Variants in SC5D observed in about 807,000 individuals in gnomAD.
SC5D encodes the protein sterol-C5-desaturase, also known as lathosterol oxidase.
SC5D carries 21 observed loss-of-function variants against 23.9 expected under a neutral mutation model. The observed-to-expected ratio is 0.88, with a 90% CI of 0.62 to 1.26. The LOEUF (loss-of-function observed/expected upper bound fraction) is 1.26. SC5D is among the 50% of genes most tolerant of loss of function. The pLI is 0.00. For missense variants in SC5D, 309 were observed against 364.8 expected (o/e 0.85, Z 1.25); for synonymous variants, 113 against 125.9 (o/e 0.90, Z 0.68).
chr11:121,303,296 GT>G, intron 1 of SC5D, 69 bp from the exon 2 acceptor site: 1 of 1,257,558 alleles, frequency 8.0e-7, no homozygotes, highest in Admixed American at 1.7e-5. Flanking sequence ...GAGATATAGT[GT>G]TTCTGAAAAA....
chr11:121,296,151 T>A (rs774730034), intron 1 of SC5D, among the ~76,000 whole-genome samples: 1 of 152,142 alleles, frequency 6.6e-6, no homozygotes, highest in Non-Finnish European at 1.5e-5. Context: ...GAATAAGCAT[T>A]AGCCACTTCA....
rs1305484652 is a variant in SC5D at position 121,307,664 on chromosome 11, A to T, written c.*152A>T. Reference sequence around the variant, plus strand: ...GCATCGTGGGCACTGCTGAGGAATGATCCTAGTGGTAGGTCAGAAGAAGAT... The same window carrying T: ...GCATCGTGGGCACTGCTGAGGAATGTTCCTAGTGGTAGGTCAGAAGAAGAT... On this transcript the variant is annotated 3_prime_UTR_variant, in exon 5 of 5. Coordinates refer to ENST00000264027, the MANE Select transcript of SC5D (RefSeq NM_006918.5). The T allele has an allele frequency of 1.7e-6, 1 of 605,324 alleles. No individual in the cohort carries two copies. Among genetic ancestry groups the T allele is most frequent in the African/African-American group, 1.9e-5 (1 of 53,924 alleles). The allele number at this position is 605,324 out of a possible 1,614,324, so 37.5% of individuals were successfully genotyped here.
rs763467045 is a variant in SC5D, at chr11:121,293,615, T to TA, written c.-11+800dup. 5.9e-5 allele frequency among the ~76,000 whole-genome samples: 9 copies of TA among 152,342 alleles called. No homozygotes were observed. The South Asian group carries it at 1.5e-3, about 25-fold the overall frequency. On this transcript the variant is annotated intron_variant, in intron 1 of 4. Transcript: ENST00000264027. ...GTGAAGAAAACAAGACCTCAGTACA[T>TA]AGAGTTTCCAAACTGGAAAGTTTGT...
At position 121,304,358 on chromosome 11, in the gene SC5D, C is replaced by T. The variant is rs764348948; in HGVS notation, c.211-3C>T. 6.2e-7 allele frequency: 1 copy of T among 1,613,224 alleles called. No individual in the cohort carries two copies. Among genetic ancestry groups the T allele is most frequent in the South Asian group, 1.1e-5 (1 of 91,058 alleles). On this transcript the variant is annotated splice_polypyrimidine_tract_variant and splice_region_variant and intron_variant, in intron 2 of 4. Coordinates refer to ENST00000264027, the MANE Select transcript of SC5D (RefSeq NM_006918.5). ...TTTTAAGTATTGGAAATTTCACTTT[C>T]AGAATCAAGTCCGTCGAGAGATTAA...
rs578027123 is a variant in SC5D, at chr11:121,304,715, C to T, written c.343+222C>T. On this transcript the variant is annotated intron_variant, in intron 3 of 4. Coordinates refer to ENST00000264027, the MANE Select transcript of SC5D (RefSeq NM_006918.5). ...CTGCTGTAGATGAGATTGTGTCTGG[C>T]GGAAGATTGGAGTGATCAGAGATGG... The T allele has an allele frequency of 6.3e-5, 31 of 493,584 alleles. No homozygotes were observed. The South Asian group carries it at 6.5e-4, about 10-fold the overall frequency. The allele number at this position is 493,584 out of a possible 1,614,324, so 30.6% of individuals were successfully genotyped here. A position where few individuals can be genotyped will look rare whatever the true frequency, so the allele number is the denominator to read the frequency against.
At chr11:121,306,910 G>T in intron 4 of SC5D, 147 bp from the exon 5 acceptor site, 1 of 761,040 alleles carries the variant, frequency 1.3e-6, no homozygotes, top group Admixed American at 1.9e-5. Flanking sequence ...TACTGTTTTA[G>T]GGCGAAGAAG....
Position 121,307,398 on chromosome 11 carries a change from G to A in SC5D, c.786G>A (p.Gly262=), listed in dbSNP as rs750799609. 12 of 1,613,562 alleles carry A rather than the reference G, an allele frequency of 7.4e-6. No individual in the cohort carries two copies. In the South Asian group the frequency reaches 1.2e-4, roughly 16 times the overall value. ...GSFKNPSSFE[G]KGPLSYVKEM... Reference sequence around the variant, plus strand: ...TCAAAAATCCTTCATCCTTTGAGGGGAAGGGACCGCTCAGTTATGTGAAGG... The same window carrying A: ...TCAAAAATCCTTCATCCTTTGAGGGAAAGGGACCGCTCAGTTATGTGAAGG... Residue 262 remains glycine, a synonymous_variant, in exon 5 of 5, where the codon GGG becomes GGA. Transcript: ENST00000264027.
chr11:121,302,667 T>G (rs1455534579), intron 1 of SC5D, among the ~76,000 whole-genome samples: 1 of 152,172 alleles, frequency 6.6e-6, no homozygotes, highest in Non-Finnish European at 1.5e-5. Context: ...AACATCTGGG[T>G]GTCGCTGTGT....
intron 2 of SC5D, 123 bp from the exon 3 acceptor site, chr11:121,304,238 A>C: frequency 1.3e-6 from 1 of 788,706 alleles, no homozygotes; most frequent in Admixed American, 2.3e-5. Flanking sequence ...TTTAATAGAA[A>C]CAGTTTGGAG....
chr11:121,313,055 A>G lies in SC5D; in HGVS notation c.*5543A>G, dbSNP rs1002503017. Among the ~76,000 whole-genome samples, 4 of 152,138 alleles carry G rather than the reference A, an allele frequency of 2.6e-5. No individual in the cohort carries two copies. Among genetic ancestry groups the G allele is most frequent in the Non-Finnish European group, 5.9e-5 (4 of 68,004 alleles). ...TACACCCATGTAACCACCACCCCCA[A>G]TCAAAGTAAAGAACATTTTCTTACC... On this transcript the variant is annotated 3_prime_UTR_variant, in exon 5 of 5. Transcript: ENST00000264027.
rs5795265 is a variant in SC5D, at chr11:121,310,455, C to CTT, written c.*2961_*2962dup. ...TGTTCAGCCCTTCTGTCTCCTGTCC[C>CTT]TTTTTTTTTTTTTTTTTTTGAGATG... On this transcript the variant is annotated 3_prime_UTR_variant, in exon 5 of 5. Coordinates refer to ENST00000264027, the MANE Select transcript of SC5D (RefSeq NM_006918.5). Among the ~76,000 whole-genome samples, 2,442 of 111,170 alleles carry CTT rather than the reference C, an allele frequency of 0.022. 97 individuals carry two copies. The highest frequency in any genetic ancestry group is 0.076 in the African/African-American group (2,292 of 30,114). 72.9% of individuals were successfully genotyped at this position (111,170 alleles called of 152,430 possible).
At position 121,302,844 on chromosome 11, in the gene SC5D, G is replaced by C. The variant is rs1285090039; in HGVS notation, c.-10-522G>C. Among the ~76,000 whole-genome samples the C allele has an allele frequency of 2.0e-5, 3 of 152,182 alleles. No homozygotes were observed. In the East Asian group the frequency reaches 5.8e-4, roughly 29 times the overall value. On this transcript the variant is annotated intron_variant, in intron 1 of 4. Transcript: ENST00000264027. ...TGTCAATGGGAGTGTCAGAAGAACAGATAGTCCCAATTCTATGGTTGTGGT... is the reference window on the plus strand; with the variant it reads ...TGTCAATGGGAGTGTCAGAAGAACACATAGTCCCAATTCTATGGTTGTGGT...
chr11:121,306,471 T>C lies in SC5D; in HGVS notation c.429T>C (p.His143=), dbSNP rs1255465444. The C allele has an allele frequency of 1.3e-6, 2 of 1,487,330 alleles. No individual in the cohort carries two copies. The highest frequency in any genetic ancestry group is 2.8e-5 in the African/African-American group (2 of 72,408). The allele number at this position is 1,487,330 out of a possible 1,614,324, so 92.1% of individuals were successfully genotyped here. ...FIYWIHRGLH[H]RLVYKRLHKP... Reference sequence around the variant, plus strand: ...ACTGGATTCACAGAGGCCTTCATCATAGACTGGTATATAAGGTAAAGTCAT... The same window carrying C: ...ACTGGATTCACAGAGGCCTTCATCACAGACTGGTATATAAGGTAAAGTCAT... The change falls in exon 4 of 5, where the codon CAT becomes CAC. Residue 143 remains histidine, a synonymous_variant. Transcript: ENST00000264027.
intron 2 of SC5D, chr11:121,303,795 G>T: frequency 1.9e-6 from 1 of 530,018 alleles, no homozygotes; most frequent in Non-Finnish European, 3.3e-6. Flanking sequence ...AAAACTATAA[G>T]TCTAGTATCG....
At position 121,306,448 on chromosome 11, in the gene SC5D, T is replaced by A. The variant is rs748479057; in HGVS notation, c.406T>A (p.Trp136Arg). 4.4e-6 allele frequency: 7 copies of A among 1,585,468 alleles called. No homozygotes were observed. Residue 136 changes from tryptophan (W) to arginine (R), a missense_variant, in exon 4 of 5, where the codon TGG becomes AGG. Transcript: ENST00000264027. ...FLFFTDMFIY[W>R]IHRGLHHRLV... ...CTTTTTCACTGACATGTTCATCTAC[T>A]GGATTCACAGAGGCCTTCATCATAG...
At chr11:121,302,719 T>C (rs1947934127) in intron 1 of SC5D, among the ~76,000 whole-genome samples, 1 of 152,182 alleles carries the variant, frequency 6.6e-6, no homozygotes, top group African/African-American at 2.4e-5. Context: ...GTTTGGCCCG[T>C]GGGCTGCAAT....
At chr11:121,304,326 T>C in intron 2 of SC5D, 35 bp from the exon 3 acceptor site, 2 of 1,608,064 alleles carry the variant, frequency 1.2e-6, no homozygotes, top group Non-Finnish European at 1.7e-6. Flanking sequence ...AACATGGATT[T>C]TGTGATTTTT....
intron 4 of SC5D, 26 bp downstream of exon 4, chr11:121,306,512 A>G: frequency 9.2e-7 from 1 of 1,092,292 alleles, no homozygotes; most frequent in Non-Finnish European, 1.4e-6. Context: ...GTGAAAAGAG[A>G]AAAAAGGTTA....
At chr11:121,297,983 A>G (rs146733606) in intron 1 of SC5D, among the ~76,000 whole-genome samples, 7 of 152,146 alleles carry the variant, frequency 4.6e-5, no homozygotes, top group African/African-American at 7.2e-5. Context: ...GTTTTTAATC[A>G]TTTACTTTTA....
Sources: gnomAD v4.1 joint callset for allele counts (sites outside exome capture counted in the v4.1 genomes callset) on GRCh38, gnomAD v4.1.1 for gene constraint, MANE v1.5 for transcripts, NCBI Gene and HGNC (gene_info 2026-07-23, HGNC 2026-07-21) for gene names.